YEATS4: variants seen among roughly 807,000 people sequenced by gnomAD.
The protein encoded by YEATS4 is YEATS domain-containing protein 4.
YEATS4 carries 17 observed loss-of-function variants against 30.1 expected under a neutral mutation model. That is an observed-to-expected ratio of 0.56 (90% CI 0.39 to 0.85). The LOEUF (loss-of-function observed/expected upper bound fraction) is 0.85, where lower values mean the gene tolerates loss of function less well. YEATS4 is among the 40% of genes least tolerant of loss of function. The probability of loss-of-function intolerance (pLI) is 0.00; values close to 1 mark genes in which losing one functional copy is unlikely to be tolerated. For synonymous variants in YEATS4, 85 were observed against 87.5 expected (o/e 0.97, Z 0.16); for missense variants, 142 against 268.3 (o/e 0.53, Z 3.29).
At chr12:69,421,006 T>G in the YEATS4 span, among the ~76,000 whole-genome samples, 1 of 152,170 alleles carries the variant, frequency 6.6e-6, no homozygotes, top group African/African-American at 2.4e-5. Context: ...AATATTCCAT[T>G]CTAGGGATAT....
At chr12:69,376,185 G>A (rs1435172083) in intron 6 of YEATS4, among the ~76,000 whole-genome samples, 2 of 152,162 alleles carry the variant, frequency 1.3e-5, no homozygotes, top group African/African-American at 4.8e-5. Flanking sequence ...TGGCCAACAT[G>A]GCGAAACCCT....
At chr12:69,404,405 G>A in the YEATS4 span, among the ~76,000 whole-genome samples, 4 of 152,350 alleles carry the variant, frequency 2.6e-5, no homozygotes, top group African/African-American at 9.6e-5. Flanking sequence ...AGCCCTCATT[G>A]AATGGATTAA....
the YEATS4 span, among the ~76,000 whole-genome samples, chr12:69,424,944 A>G: frequency 1.3e-5 from 2 of 152,048 alleles, no homozygotes; most frequent in Admixed American, 1.3e-4. Flanking sequence ...TTTGAGACGG[A>G]GTTTTGCTCT....
At chr12:69,420,406 A>AG in the YEATS4 span, among the ~76,000 whole-genome samples, 21 of 135,796 alleles carry the variant, frequency 1.5e-4, no homozygotes, top group African/African-American at 5.3e-4. Flanking sequence ...TGGTTTGGTT[A>AG]GGGGGAGGGG....
the YEATS4 span, among the ~76,000 whole-genome samples, chr12:69,416,624 G>A: frequency 2.6e-5 from 4 of 152,158 alleles, no homozygotes; most frequent in African/African-American, 7.2e-5. Context: ...GCCCTCCCAC[G>A]CCAGTAGGTA....
the YEATS4 span, among the ~76,000 whole-genome samples, chr12:69,410,110 A>G: frequency 1.3e-5 from 2 of 152,226 alleles, no homozygotes; most frequent in South Asian, 4.1e-4. Context: ...AAACTAACAC[A>G]CAAACCATAA....
the YEATS4 span, among the ~76,000 whole-genome samples, chr12:69,402,696 T>C: frequency 1.3e-5 from 2 of 151,910 alleles, no homozygotes; most frequent in African/African-American, 2.4e-5. Flanking sequence ...AATATTTTCC[T>C]TCCTTTGCTA....
Position 69,375,656 on chromosome 12 carries a change from C to A in YEATS4, c.514+4681C>A, listed in dbSNP as rs7962673. On this transcript the variant is annotated intron_variant, in intron 6 of 6. Transcript: ENST00000247843. ...GAGACTCCGTCTGCAATCCCGGCACCTCGGGAGGCCAAGGCTGGCAGATCA... is the reference window on the plus strand; with the variant it reads ...GAGACTCCGTCTGCAATCCCGGCACATCGGGAGGCCAAGGCTGGCAGATCA... Among the ~76,000 whole-genome samples, 3 of 152,196 alleles carry A rather than the reference C, an allele frequency of 2.0e-5. No homozygotes were observed. In the South Asian group the frequency reaches 6.2e-4, roughly 32 times the overall value.
intron 6 of YEATS4, among the ~76,000 whole-genome samples, chr12:69,374,257 T>A (rs1175323890): frequency 6.6e-6 from 1 of 152,160 alleles, no homozygotes; most frequent in Non-Finnish European, 1.5e-5. Context: ...TTCCAGTTCA[T>A]GAACATGGAA....
chr12:69,366,273 TCA>T (rs1875425249), intron 4 of YEATS4, among the ~76,000 whole-genome samples: 1 of 152,204 alleles, frequency 6.6e-6, no homozygotes, highest in Non-Finnish European at 1.5e-5. Flanking sequence ...TTTTAAGCTG[TCA>T]TCAGTACTAG....
At chr12:69,399,015 C>CGGGT in the YEATS4 span, among the ~76,000 whole-genome samples, 1 of 150,920 alleles carries the variant, frequency 6.6e-6, no homozygotes. Flanking sequence ...GGCATGGTGG[C>CGGGT]GGGTGCCTGT....
chr12:69,423,092 G>A, the YEATS4 span: 1 of 152,200 alleles, frequency 6.6e-6, no homozygotes, highest in African/African-American at 2.4e-5. Context: ...ATCATCTGCT[G>A]AGGATGAGAG....
chr12:69,370,296 G>T (rs1185867258), intron 4 of YEATS4, among the ~76,000 whole-genome samples: 2 of 152,010 alleles, frequency 1.3e-5, no homozygotes, highest in African/African-American at 2.4e-5. Flanking sequence ...AAATTATCTT[G>T]CCCTCACTGA....
At chr12:69,382,474 CCA>C (rs553707946) in intron 6 of YEATS4, among the ~76,000 whole-genome samples, 113 of 152,224 alleles carry the variant, frequency 7.4e-4, no homozygotes, top group African/African-American at 2.7e-3. Flanking sequence ...CCTGTGTCCA[CCA>C]CTACCACAGG....
chr12:69,393,074 C>T (rs1868327658), downstream of YEATS4, among the ~76,000 whole-genome samples: 2 of 152,150 alleles, frequency 1.3e-5, no homozygotes, highest in South Asian at 4.1e-4. Flanking sequence ...GTACCTGTTC[C>T]TTAGCATTAC....
the YEATS4 span, among the ~76,000 whole-genome samples, chr12:69,411,013 A>G: frequency 6.6e-6 from 1 of 152,220 alleles, no homozygotes; most frequent in Non-Finnish European, 1.5e-5. Context: ...AACCATAGTA[A>G]CTATAAACAG....
chr12:69,419,396 A>T, the YEATS4 span, among the ~76,000 whole-genome samples: 2 of 151,004 alleles, frequency 1.3e-5, no homozygotes, highest in African/African-American at 2.4e-5. Context: ...AATTTTTAAA[A>T]TTTTTTGTAG....
At chr12:69,402,101 TC>T in the YEATS4 span, among the ~76,000 whole-genome samples, 1 of 152,276 alleles carries the variant, frequency 6.6e-6, no homozygotes, top group African/African-American at 2.4e-5. Flanking sequence ...TGGGAAGTGC[TC>T]CATGGCATTT....
intron 4 of YEATS4, among the ~76,000 whole-genome samples, chr12:69,369,167 C>G (rs961985604): frequency 6.6e-6 from 1 of 152,140 alleles, no homozygotes; most frequent in Non-Finnish European, 1.5e-5. Flanking sequence ...GTTACCTGTT[C>G]TCAATTCCTC....
Sources: gnomAD v4.1 joint callset for allele counts (sites outside exome capture counted in the v4.1 genomes callset) on GRCh38, gnomAD v4.1.1 for gene constraint, MANE v1.5 for transcripts, NCBI Gene and HGNC (gene_info 2026-07-23, HGNC 2026-07-21) for gene names.